TRPC6: variants seen among roughly 807,000 people sequenced by gnomAD.
TRPC6 encodes transient receptor potential cation channel subfamily C member 6, also known as short transient receptor potential channel 6.
Under a neutral mutation model 90.7 loss-of-function variants are expected in TRPC6, and 55 were observed. That is an observed-to-expected ratio of 0.61 (90% confidence interval 0.49 to 0.76). The LOEUF is 0.76. TRPC6 is among the 30% of genes least tolerant of loss of function. The probability of loss-of-function intolerance (pLI) is 0.00; values close to 1 mark genes in which losing one functional copy is unlikely to be tolerated. For missense variants in TRPC6, 989 were observed against 1,122.7 expected (o/e 0.88, Z 1.70); for synonymous variants, 393 against 393.0 (o/e 1.00, Z 0.00).
chr11:101,551,906 T>A (rs1861458765), intron 1 of TRPC6, among the ~76,000 whole-genome samples: 1 of 152,058 alleles, frequency 6.6e-6, no homozygotes, highest in South Asian at 2.1e-4. Flanking sequence ...CACAACTCAC[T>A]GTTAGTGCAG....
intron 1 of TRPC6, among the ~76,000 whole-genome samples, chr11:101,562,622 G>A (rs7936514): frequency 0.46 from 70,653 of 151,956 alleles, 16,543 homozygotes; most frequent in East Asian, 0.59. Flanking sequence ...TTACTCATAT[G>A]TAGGTAGCTA....
intron 1 of TRPC6, among the ~76,000 whole-genome samples, chr11:101,505,200 CCACTCAAGTTAACAAATA>C (rs1389118637): frequency 6.6e-6 from 1 of 152,112 alleles, no homozygotes; most frequent in Non-Finnish European, 1.5e-5. Flanking sequence ...AATAGCAAAT[CCACTCAAGTTAACAAATA>C]TTTATTGAGT....
rs369501203 is a variant in TRPC6 at position 101,453,494 on chromosome 11, C to T, written c.2644+156G>A. 2.7e-4 allele frequency: 207 copies of T among 767,378 alleles called. No individual in the cohort carries two copies. The African/African-American group carries it at 3.0e-3, about 11-fold the overall frequency. The allele number at this position is 767,378 out of a possible 1,614,324, so 47.5% of individuals were successfully genotyped here. A position where few individuals can be genotyped will look rare whatever the true frequency, so the allele number is the denominator to read the frequency against. The stretch of plus-strand genomic sequence containing the variant: ...CTGTGGAGACATAGCCTGTTCCCCA[C>T]TCTTTAACAGAACGGCGGTTGGTGA... On this transcript the variant is annotated intron_variant, in intron 12 of 12. Transcript: ENST00000344327.
Position 101,471,211 on chromosome 11 carries a change from C to T in TRPC6, c.2381G>A (p.Gly794Asp), listed in dbSNP as rs1364277931. 1 of 1,613,910 alleles carries T rather than the reference C, an allele frequency of 6.2e-7. No individual in the cohort carries two copies. The highest frequency in any genetic ancestry group is 8.5e-7 in the Non-Finnish European group (1 of 1,179,816). ...GTTCATCTCTGCATCTTCCTGGAAA[C>T]CTTTTTTATGGCCCTGGAACAGCTC... ...ISELFQGHKKGFQEDAEMNKI... is the reference protein window; with the variant it reads ...ISELFQGHKKDFQEDAEMNKI... The change falls in exon 9 of 13, where the codon GGT becomes GAT. Residue 794 changes from glycine (G) to aspartate (D), a missense_variant. Coordinates refer to ENST00000344327, the MANE Select transcript of TRPC6 (RefSeq NM_004621.6).
intron 1 of TRPC6, among the ~76,000 whole-genome samples, chr11:101,511,085 T>C (rs1860383829): frequency 6.6e-6 from 1 of 152,176 alleles, no homozygotes; most frequent in African/African-American, 2.4e-5. Context: ...ATTCCAGAAT[T>C]TGCATTTTAT....
intron 4 of TRPC6, among the ~76,000 whole-genome samples, chr11:101,488,106 T>A (rs1859719029): frequency 6.6e-6 from 1 of 152,178 alleles, no homozygotes; most frequent in Non-Finnish European, 1.5e-5. Flanking sequence ...CCAAAAGACA[T>A]TTAGGCACTA....
chr11:101,501,221 T>A (rs1317422498), intron 2 of TRPC6, among the ~76,000 whole-genome samples: 3 of 151,694 alleles, frequency 2.0e-5, no homozygotes, highest in African/African-American at 7.3e-5. Flanking sequence ...CCTCAGTGAC[T>A]TTTATTTCCT....
chr11:101,571,600 C>T (rs1467571397), intron 1 of TRPC6, among the ~76,000 whole-genome samples: 12 of 152,112 alleles, frequency 7.9e-5, no homozygotes, highest in South Asian at 2.1e-4. Context: ...GGAGGCATCA[C>T]GCTACCTGAC....
At chr11:101,511,634 G>A (rs577789148) in intron 1 of TRPC6, among the ~76,000 whole-genome samples, 8 of 152,182 alleles carry the variant, frequency 5.3e-5, no homozygotes, top group South Asian at 4.1e-4. Context: ...GTTGAAAGCC[G>A]TGTTTTTAAT....
intron 1 of TRPC6, among the ~76,000 whole-genome samples, chr11:101,528,000 G>A (rs1222379663): frequency 6.6e-6 from 1 of 152,030 alleles, no homozygotes; most frequent in Non-Finnish European, 1.5e-5. Flanking sequence ...TTGAACCCGG[G>A]AGGCAGAGGT....
intron 1 of TRPC6, among the ~76,000 whole-genome samples, chr11:101,535,081 G>T (rs1481874170): frequency 6.6e-6 from 1 of 151,968 alleles, no homozygotes; most frequent in Non-Finnish European, 1.5e-5. Context: ...ATCAAGAATC[G>T]CTTAAACCTG....
chr11:101,557,089 C>T (rs1861578961), intron 1 of TRPC6, among the ~76,000 whole-genome samples: 1 of 152,148 alleles, frequency 6.6e-6, no homozygotes. Flanking sequence ...GGCATGGTGG[C>T]TCATGCCTGT....
At chr11:101,454,851 CTCTG>C (rs1858847484) in intron 11 of TRPC6, among the ~76,000 whole-genome samples, 163 bp downstream of exon 11, 1 of 151,760 alleles carries the variant, frequency 6.6e-6, no homozygotes, top group African/African-American at 2.4e-5. Flanking sequence ...ACTTATATAT[CTCTG>C]TCACTTACAA....
chr11:101,572,595 CAT>C (rs1365374783), intron 1 of TRPC6, among the ~76,000 whole-genome samples: 1 of 152,176 alleles, frequency 6.6e-6, no homozygotes, highest in Non-Finnish European at 1.5e-5. Flanking sequence ...ATAGCAAAGA[CAT>C]AGAACTGACC....
chr11:101,481,228 G>C (rs556901628), intron 5 of TRPC6, among the ~76,000 whole-genome samples: 1 of 152,202 alleles, frequency 6.6e-6, no homozygotes, highest in Non-Finnish European at 1.5e-5. Context: ...GGTCCCTAGA[G>C]AGGGAGGTGG....
intron 10 of TRPC6, among the ~76,000 whole-genome samples, chr11:101,463,697 C>G (rs1859064050): frequency 6.6e-6 from 1 of 152,158 alleles, no homozygotes. Context: ...ATTCTTCTCT[C>G]TTTTCTTCTT....
In TRPC6 at chr11:101,583,709, G is replaced by C. The variant is rs1862258000; in HGVS notation, c.-206C>G. 1 of 512,374 alleles carries C rather than the reference G, an allele frequency of 2.0e-6. No individual in the cohort carries two copies. Among genetic ancestry groups the C allele is most frequent in the Middle Eastern group, 5.0e-4 (1 of 1,990 alleles). The allele number at this position is 512,374 out of a possible 1,614,324, so 31.7% of individuals were successfully genotyped here. A position where few individuals can be genotyped will look rare whatever the true frequency, so the allele number is the denominator to read the frequency against. On this transcript the variant is annotated 5_prime_UTR_variant, in exon 1 of 13. Transcript: ENST00000344327. ...CCCGGGGAAAAGTCACCACTTAAGGGGGTGCAAAGAGGATCTTGACCTGAG... is the reference window on the plus strand; with the variant it reads ...CCCGGGGAAAAGTCACCACTTAAGGCGGTGCAAAGAGGATCTTGACCTGAG...
At chr11:101,473,915 T>A in intron 6 of TRPC6, 142 bp from the exon 7 acceptor site, 1 of 1,137,190 alleles carries the variant, frequency 8.8e-7, no homozygotes, top group African/African-American at 1.6e-5. Context: ...GCTTCTTAAG[T>A]GTCTGCTAGA....
rs776291284 is a variant in TRPC6, at chr11:101,504,339, A to G, written c.630T>C (p.Asp210=). 1.2e-6 allele frequency: 2 copies of G among 1,614,038 alleles called. No homozygotes were observed. The highest frequency in any genetic ancestry group is 4.5e-5 in the East Asian group (2 of 44,876). Residue 210 remains aspartate (D), a synonymous_variant, in exon 2 of 13, where the codon GAT becomes GAC. Coordinates refer to ENST00000344327, the MANE Select transcript of TRPC6 (RefSeq NM_004621.6). ...ELQQDDFYAY[D]EDGTRFSHDV... ...CATGGGAGAACCGTGTCCCATCTTC[A>G]TCATAGGCATAAAAATCATCTTGCT...
Sources: allele counts gnomAD v4.1 joint callset (sites outside exome capture counted in the v4.1 genomes callset), GRCh38; gene constraint gnomAD v4.1.1; transcripts MANE v1.5; gene names NCBI Gene and HGNC (gene_info 2026-07-23, HGNC 2026-07-21).